The following PCDHA3 variants were observed in gnomAD, a reference collection of about 807,000 sequenced individuals.
PCDHA3 encodes protocadherin alpha 3, also known as protocadherin alpha-3.
In PCDHA3, 41 loss-of-function variants were observed where a neutral mutation model predicts 62.2. The ratio of observed to expected loss-of-function variants is 0.66; its 90% CI spans 0.51 to 0.86. The LOEUF (loss-of-function observed/expected upper bound fraction) is 0.86. PCDHA3 is among the 40% of genes least tolerant of loss of function. The probability of loss-of-function intolerance (pLI) is 0.00; values close to 1 mark genes in which losing one functional copy is unlikely to be tolerated. For synonymous variants in PCDHA3, 640 were observed against 555.4 expected, an observed-to-expected ratio of 1.15 and a Z score of -2.14; for missense variants, 1,304 against 1,241.2, an observed-to-expected ratio of 1.05 and a Z score of -0.76.
chr5:140,982,666 T>G (rs2096995489), intron 3 of PCDHA3, 103 bp downstream of exon 3: 4 of 1,467,448 alleles, frequency 2.7e-6, no homozygotes. Context: ...TTCTTTTATA[T>G]TTTTGTTATT....
rs148605499 is a variant in PCDHA3 at position 140,807,632 on chromosome 5, G to C, written c.2394+4041G>C. 3.2e-5 allele frequency: 51 copies of C among 1,614,100 alleles called. No homozygotes were observed. The highest frequency in any genetic ancestry group is 1.6e-4 in the Middle Eastern group (1 of 6,084). ...GTCCATCGCGGAATCCAGGCCGCTT[G>C]ACTCTCGGTTTCCACTAGAGGGCGC... On this transcript the variant is annotated intron_variant, in intron 1 of 3. Transcript: ENST00000522353.
chr5:140,857,434 C>T (rs987628518), intron 1 of PCDHA3: 2 of 1,598,440 alleles, frequency 1.3e-6, no homozygotes, highest in Non-Finnish European at 1.7e-6. Context: ...ACACGGTGTT[C>T]GTGAAGGAGA....
intron 1 of PCDHA3, chr5:140,866,543 G>A (rs1329299752): frequency 3.3e-5 from 5 of 152,066 alleles, no homozygotes; most frequent in South Asian, 2.1e-4. Context: ...TTAGCATCAC[G>A]GAATAAATCC....
At chr5:140,878,451 T>A (rs2057595888) in intron 1 of PCDHA3, among the ~76,000 whole-genome samples, 1 of 152,250 alleles carries the variant, frequency 6.6e-6, no homozygotes, top group Non-Finnish European at 1.5e-5. Context: ...CTTATTTACA[T>A]GAAATATAAT....
chr5:140,968,506 G>T (rs781902536), intron 1 of PCDHA3: 2 of 1,614,176 alleles, frequency 1.2e-6, no homozygotes, highest in South Asian at 2.2e-5. Context: ...CTCACATTCT[G>T]TACCCTACCT....
intron 1 of PCDHA3, chr5:140,823,338 G>A (rs149205606): frequency 1.2e-6 from 2 of 1,612,230 alleles, no homozygotes; most frequent in Non-Finnish European, 1.7e-6. Context: ...CGCTGCAGCC[G>A]CTGGACCACG....
intron 1 of PCDHA3, among the ~76,000 whole-genome samples, chr5:140,878,256 C>G (rs2057518420): frequency 6.6e-6 from 1 of 152,160 alleles, no homozygotes; most frequent in Admixed American, 6.5e-5. Flanking sequence ...TCCTCACGTG[C>G]TTAGGCTTTT....
intron 1 of PCDHA3, among the ~76,000 whole-genome samples, chr5:140,977,783 T>TATATGA (rs1488853966): frequency 1.3e-5 from 2 of 152,252 alleles, no homozygotes; most frequent in African/African-American, 4.8e-5. Context: ...TTAAAGGAAC[T>TATATGA]ATATGAATGA....
Position 141,011,779 on chromosome 5 carries a change from A to G in PCDHA3, c.*1842A>G, listed in dbSNP as rs1407523783. On this transcript the variant is annotated 3_prime_UTR_variant, in exon 4 of 4. Transcript: ENST00000522353. ...CTTTGAAGTTGCAGAATGCTTTGAAATTCTAATGGTATCTGAAATATCAGC... is the reference window on the plus strand; with the variant it reads ...CTTTGAAGTTGCAGAATGCTTTGAAGTTCTAATGGTATCTGAAATATCAGC... The G allele has an allele frequency of 6.5e-6, 1 of 153,778 alleles. No homozygotes were observed. Among genetic ancestry groups the G allele is most frequent in the East Asian group, 1.9e-4 (1 of 5,202 alleles). 9.5% of individuals were successfully genotyped at this position (153,778 alleles called of 1,614,324 possible).
At chr5:140,952,993 C>G (rs1273513255) in intron 1 of PCDHA3, among the ~76,000 whole-genome samples, 1 of 152,106 alleles carries the variant, frequency 6.6e-6, no homozygotes, top group Non-Finnish European at 1.5e-5. Flanking sequence ...CTCATGAGAA[C>G]TCTCTCACTA....
intron 3 of PCDHA3, among the ~76,000 whole-genome samples, chr5:141,008,590 T>G (rs1259352249): frequency 6.6e-6 from 1 of 152,216 alleles, no homozygotes; most frequent in Non-Finnish European, 1.5e-5. Context: ...CAGGGCAGAT[T>G]TCACCTCCTC....
intron 1 of PCDHA3, chr5:140,878,115 A>T: frequency 4.3e-6 from 1 of 232,352 alleles, no homozygotes; most frequent in Non-Finnish European, 8.1e-6. Flanking sequence ...AAAAAACAGT[A>T]TATTAGATTA....
intron 1 of PCDHA3, chr5:140,830,024 C>T (rs2150179853): frequency 6.2e-7 from 1 of 1,613,946 alleles, no homozygotes; most frequent in Admixed American, 1.7e-5. Context: ...CTCTCCGCGC[C>T]ACCGGCTGCT....
chr5:140,830,265 C>A, intron 1 of PCDHA3: 1 of 1,613,646 alleles, frequency 6.2e-7, no homozygotes, highest in East Asian at 2.2e-5. Flanking sequence ...CGGTGCTCGG[C>A]GCCACCCACC....
intron 1 of PCDHA3, chr5:140,813,742 T>A (rs1554126321): frequency 6.6e-6 from 1 of 152,378 alleles, no homozygotes; most frequent in Non-Finnish European, 1.5e-5. Flanking sequence ...ATGCCTGTAA[T>A]CCCAGCACTT....
intron 1 of PCDHA3, chr5:140,842,584 T>A: frequency 6.6e-7 from 1 of 1,519,626 alleles, no homozygotes; most frequent in Non-Finnish European, 8.9e-7. Flanking sequence ...TGTCGGCCTA[T>A]GAGTTGGTGG....
chr5:140,840,155 G>C (rs2150303964), intron 1 of PCDHA3, among the ~76,000 whole-genome samples: 1 of 152,102 alleles, frequency 6.6e-6, no homozygotes, highest in East Asian at 1.9e-4. Flanking sequence ...CGTGAAAGGA[G>C]AGATGGGATG....
At chr5:140,875,735 C>T in intron 1 of PCDHA3, 1 of 1,614,232 alleles carries the variant, frequency 6.2e-7, no homozygotes. Context: ...TTTGTGAATT[C>T]TCGGATCGAC....
At chr5:140,974,637 G>A (rs1054796505) in intron 1 of PCDHA3, among the ~76,000 whole-genome samples, 7 of 151,898 alleles carry the variant, frequency 4.6e-5, no homozygotes, top group South Asian at 2.1e-4. Context: ...TCAACCTCCC[G>A]AGTAGCTGAG....
Sources: allele counts gnomAD v4.1 joint callset (sites outside exome capture counted in the v4.1 genomes callset), GRCh38; gene constraint gnomAD v4.1.1; transcripts MANE v1.5; gene names NCBI Gene and HGNC (gene_info 2026-07-23, HGNC 2026-07-21).